Variants in NCKAP5 observed in about 807,000 individuals in gnomAD.
NCKAP5 encodes the protein nck-associated protein 5.
In NCKAP5, 92 loss-of-function variants were observed where a neutral mutation model predicts 167.0. The observed-to-expected ratio is 0.55, with a 90% CI of 0.47 to 0.66. The LOEUF (loss-of-function observed/expected upper bound fraction) is 0.66. Ranked by LOEUF, NCKAP5 falls within the 30% of genes least tolerant of loss-of-function variation. The pLI is 0.00. For missense variants in NCKAP5, 2,378 were observed against 2,315.0 expected (o/e 1.03, Z -0.56); for synonymous variants, 891 against 877.4 (o/e 1.02, Z -0.27).
Position 133,141,746 on chromosome 2 carries a change from C to T in NCKAP5, c.208-11635G>A, listed in dbSNP as rs2149839864. Among the ~76,000 whole-genome samples the T allele has an allele frequency of 2.0e-5, 3 of 152,234 alleles. No homozygotes were observed. In the South Asian group the frequency reaches 6.2e-4, roughly 32 times the overall value. On this transcript the variant is annotated intron_variant, in intron 5 of 19. Coordinates refer to ENST00000409261, the MANE Select transcript of NCKAP5 (RefSeq NM_207363.3). ...AAAGTTTCTTTAAACAAGAATATTTCTTTAAACGAAGACTTGAGAACAAGT... is the reference window on the plus strand; with the variant it reads ...AAAGTTTCTTTAAACAAGAATATTTTTTTAAACGAAGACTTGAGAACAAGT...
At chr2:133,181,843 C>T (rs2084752644) in intron 5 of NCKAP5, among the ~76,000 whole-genome samples, 1 of 151,916 alleles carries the variant, frequency 6.6e-6, no homozygotes, top group Non-Finnish European at 1.5e-5. Context: ...AAAAACATGA[C>T]AGACACAAGT....
At chr2:133,187,957 C>A (rs1224589718) in intron 5 of NCKAP5, among the ~76,000 whole-genome samples, 1 of 152,022 alleles carries the variant, frequency 6.6e-6, no homozygotes, top group Admixed American at 6.6e-5. Context: ...TTAATTGGAG[C>A]ATTTAGCCCA....
At chr2:133,275,370 T>G (rs1305588828) in intron 4 of NCKAP5, among the ~76,000 whole-genome samples, 1 of 151,658 alleles carries the variant, frequency 6.6e-6, no homozygotes, top group African/African-American at 2.4e-5. Flanking sequence ...CCCATATCTA[T>G]GTACTCACGG....
intron 8 of NCKAP5, among the ~76,000 whole-genome samples, chr2:132,883,092 C>G (rs952366983): frequency 6.6e-6 from 1 of 151,778 alleles, no homozygotes; most frequent in African/African-American, 2.4e-5. Flanking sequence ...GTCCCAGCTA[C>G]TAAGGAGGTT....
intron 11 of NCKAP5, among the ~76,000 whole-genome samples, chr2:132,835,771 A>G (rs1156803663): frequency 6.6e-6 from 1 of 152,114 alleles, no homozygotes; most frequent in Non-Finnish European, 1.5e-5. Flanking sequence ...TCCAAGTAAA[A>G]TATATAAAAT....
intron 5 of NCKAP5, among the ~76,000 whole-genome samples, chr2:133,208,005 C>G (rs1049862328): frequency 3.9e-5 from 6 of 152,032 alleles, no homozygotes; most frequent in Non-Finnish European, 2.9e-5. Context: ...AGAAATCTGA[C>G]AGACACTACT....
At chr2:133,623,955 C>A in the NCKAP5 span, among the ~76,000 whole-genome samples, 1 of 152,084 alleles carries the variant, frequency 6.6e-6, no homozygotes, top group Non-Finnish European at 1.5e-5. Flanking sequence ...GAATACTACG[C>A]AGCCATAAAA....
the NCKAP5 span, among the ~76,000 whole-genome samples, chr2:133,584,224 C>T: frequency 6.6e-6 from 1 of 152,126 alleles, no homozygotes; most frequent in Non-Finnish European, 1.5e-5. Flanking sequence ...ATAAAATGAG[C>T]TAAATTTATT....
intron 12 of NCKAP5, among the ~76,000 whole-genome samples, chr2:132,794,267 G>A (rs867938158): frequency 2.1e-5 from 1 of 48,770 alleles, no homozygotes; most frequent in Non-Finnish European, 3.7e-5. Flanking sequence ...TATATATAGA[G>A]AGAGAGAGAG....
chr2:133,518,344 ATTTTTTTTTTT>A (rs751025050), intron 2 of NCKAP5, among the ~76,000 whole-genome samples: 31 of 74,636 alleles, frequency 4.2e-4, no homozygotes, highest in South Asian at 1.3e-3. Flanking sequence ...ACAGTAAAGG[ATTTTTTTTTTT>A]TTTTTTTTTT....
rs1028181680 is a variant in NCKAP5 at position 132,805,921 on chromosome 2, G to A, written c.808-9192C>T. On this transcript the variant is annotated intron_variant, in intron 11 of 19. Coordinates refer to ENST00000409261, the MANE Select transcript of NCKAP5 (RefSeq NM_207363.3). ...CCATATTTGTCATCTTTTATCCCTCGCCCCCTTCCCACTCTTCCTGCCAGG... is the reference window on the plus strand; with the variant it reads ...CCATATTTGTCATCTTTTATCCCTCACCCCCTTCCCACTCTTCCTGCCAGG... Among the ~76,000 whole-genome samples the A allele has an allele frequency of 7.2e-5, 11 of 151,764 alleles. No individual in the cohort carries two copies. In the East Asian group the frequency reaches 9.6e-4, roughly 13 times the overall value.
rs890518599 is a variant in NCKAP5, at chr2:133,204,618, G to A, written c.207+9098C>T. On this transcript the variant is annotated intron_variant, in intron 5 of 19. Transcript: ENST00000409261. ...TAAATCTTTATATGAGCCACGTTTC[G>A]CATATGTTAGTGATTTTCTAGGACT... is the stretch of plus-strand genomic sequence containing the variant. Among the ~76,000 whole-genome samples the A allele has an allele frequency of 3.3e-5, 5 of 152,078 alleles. No individual in the cohort carries two copies. The East Asian group carries it at 5.8e-4, about 18-fold the overall frequency.
chr2:133,482,177 T>C (rs1395361772), intron 3 of NCKAP5, among the ~76,000 whole-genome samples: 1 of 152,150 alleles, frequency 6.6e-6, no homozygotes, highest in South Asian at 2.1e-4. Context: ...AATGGGTGAA[T>C]AGTATTACAT....
At chr2:132,907,876 C>A (rs1278847584) in intron 8 of NCKAP5, among the ~76,000 whole-genome samples, 1 of 152,036 alleles carries the variant, frequency 6.6e-6, no homozygotes, top group Admixed American at 6.6e-5. Flanking sequence ...CCAGGATGGT[C>A]TCGATCTCCT....
At position 133,201,855 on chromosome 2, in the gene NCKAP5, A is replaced by G. The variant is rs2085706527; in HGVS notation, c.207+11861T>C. On this transcript the variant is annotated intron_variant, in intron 5 of 19. Coordinates refer to ENST00000409261, the MANE Select transcript of NCKAP5 (RefSeq NM_207363.3). Reference sequence around the variant, plus strand: ...CTGCGCTTAAGAAAGTTGAAGGAGAACTACAAACCACTGCTCAACGAAATA... The same window carrying G: ...CTGCGCTTAAGAAAGTTGAAGGAGAGCTACAAACCACTGCTCAACGAAATA... Among the ~76,000 whole-genome samples, 2 of 152,256 alleles carry G rather than the reference A, an allele frequency of 1.3e-5. 1 individual carries two copies. Among genetic ancestry groups the G allele is most frequent in the Admixed American group, 1.3e-4 (2 of 15,280 alleles).
At chr2:133,602,460 G>A in the NCKAP5 span, among the ~76,000 whole-genome samples, 2 of 152,240 alleles carry the variant, frequency 1.3e-5, no homozygotes, top group Non-Finnish European at 1.5e-5. Context: ...TAAGGTGCTG[G>A]TCCTTTCTTT....
intron 4 of NCKAP5, among the ~76,000 whole-genome samples, chr2:133,223,267 A>C (rs1208634454): frequency 6.6e-6 from 1 of 152,182 alleles, no homozygotes; most frequent in African/African-American, 2.4e-5. Context: ...CAGAAGATTC[A>C]ATTAATCATC....
the NCKAP5 span, among the ~76,000 whole-genome samples, chr2:133,576,289 T>C: frequency 6.6e-6 from 1 of 152,192 alleles, no homozygotes; most frequent in East Asian, 1.9e-4. Context: ...CCTCCTCTCC[T>C]AGAGGCAATC....
chr2:132,780,365 T>C (rs1198367122), intron 15 of NCKAP5, among the ~76,000 whole-genome samples: 1 of 152,148 alleles, frequency 6.6e-6, no homozygotes, highest in Non-Finnish European at 1.5e-5. Flanking sequence ...TTAGCCAGGA[T>C]GGTCTCGATC....
Sources: allele counts gnomAD v4.1 joint callset (sites outside exome capture counted in the v4.1 genomes callset), GRCh38; gene constraint gnomAD v4.1.1; transcripts MANE v1.5; gene names NCBI Gene and HGNC (gene_info 2026-07-23, HGNC 2026-07-21).